Variants in GTF2A1 observed in about 807,000 individuals in gnomAD.
GTF2A1 encodes the protein transcription initiation factor IIA subunit 1.
In GTF2A1, 12 loss-of-function variants were observed where a neutral mutation model predicts 54.1. The ratio of observed to expected loss-of-function variants is 0.22; its 90% confidence interval spans 0.14 to 0.36. The LOEUF is 0.36. GTF2A1 is among the 10% of genes least tolerant of loss of function. The probability of loss-of-function intolerance (pLI) is 1.00; values close to 1 mark genes in which losing one functional copy is unlikely to be tolerated. For missense variants in GTF2A1, 335 were observed against 442.2 expected, an observed-to-expected ratio of 0.76 and a Z score of 2.17; for synonymous variants, 145 against 152.0, an observed-to-expected ratio of 0.95 and a Z score of 0.34.
intron 8 of GTF2A1, among the ~76,000 whole-genome samples, chr14:81,181,788 C>G (rs937375063): frequency 2.0e-5 from 3 of 152,226 alleles, no homozygotes; most frequent in African/African-American, 7.2e-5. Flanking sequence ...GGTGATCCCC[C>G]ACCTCGGCCT....
intron 3 of GTF2A1, 105 bp from the exon 4 acceptor site, chr14:81,201,763 G>T: frequency 1.4e-6 from 1 of 740,440 alleles, no homozygotes; most frequent in Admixed American, 2.1e-5. Context: ...TGTTTTTCAT[G>T]TTTTCTGCAC....
chr14:81,211,566 C>A (rs1595229119), intron 2 of GTF2A1, among the ~76,000 whole-genome samples: 1 of 152,224 alleles, frequency 6.6e-6, no homozygotes, highest in East Asian at 1.9e-4. Flanking sequence ...CACTCCCCTA[C>A]TGTTAATCCC....
At chr14:81,215,922 G>T (rs1013639095) in intron 2 of GTF2A1, among the ~76,000 whole-genome samples, 3 of 152,150 alleles carry the variant, frequency 2.0e-5, no homozygotes, top group African/African-American at 7.2e-5. Context: ...GTAGTCCCAG[G>T]GGTGGGAGGA....
chr14:81,196,758 A>G (rs1256851903), intron 5 of GTF2A1, among the ~76,000 whole-genome samples: 1 of 152,204 alleles, frequency 6.6e-6, no homozygotes, highest in Non-Finnish European at 1.5e-5. Flanking sequence ...AATTCCCCCA[A>G]TATGTTCCTT....
At chr14:81,188,205 CT>C (rs1468103575) in intron 7 of GTF2A1, among the ~76,000 whole-genome samples, 1 of 152,074 alleles carries the variant, frequency 6.6e-6, no homozygotes, top group East Asian at 1.9e-4. Context: ...TTTAAGAGTT[CT>C]TTATATATTC....
chr14:81,213,436 G>C (rs1893417828), intron 2 of GTF2A1, among the ~76,000 whole-genome samples: 1 of 152,138 alleles, frequency 6.6e-6, no homozygotes, highest in African/African-American at 2.4e-5. Flanking sequence ...TAACAATCTA[G>C]ACTGACCACT....
chr14:81,206,981 A>G (rs61980896), intron 2 of GTF2A1, among the ~76,000 whole-genome samples: 19,521 of 152,250 alleles, frequency 0.13, 1,436 homozygotes, highest in African/African-American at 0.2. Context: ...GTTAAATACT[A>G]TTAATTCTTA....
chr14:81,202,574 A>C (rs1893137064), intron 3 of GTF2A1: 1 of 472,626 alleles, frequency 2.1e-6, no homozygotes, highest in Non-Finnish European at 4.2e-6. Flanking sequence ...GTTCGGCATC[A>C]ATATGGTGGC....
intron 1 of GTF2A1, among the ~76,000 whole-genome samples, chr14:81,218,597 G>A (rs1404788412): frequency 6.6e-6 from 1 of 152,014 alleles, no homozygotes; most frequent in African/African-American, 2.4e-5. Context: ...TACAATTTAA[G>A]TTTGTCCTAA....
intron 4 of GTF2A1, among the ~76,000 whole-genome samples, chr14:81,197,763 T>C (rs1353869716): frequency 6.6e-6 from 1 of 152,140 alleles, no homozygotes; most frequent in Non-Finnish European, 1.5e-5. Context: ...AGTTTTTTTT[T>C]CCTTCTTGTC....
At position 81,200,898 on chromosome 14, in the gene GTF2A1, A is replaced by C. The variant is rs1595220145; in HGVS notation, c.402+696T>G. Reference sequence around the variant, plus strand: ...TAATGTTTTATCCAAAAAAAAAAAAAAAACAAAAAACAACTTCAAGGATAT... The same window carrying C: ...TAATGTTTTATCCAAAAAAAAAAAACAAACAAAAAACAACTTCAAGGATAT... On this transcript the variant is annotated intron_variant, in intron 4 of 8. Transcript: ENST00000553612. Among the ~76,000 whole-genome samples the C allele has an allele frequency of 3.3e-5, 5 of 151,518 alleles. 1 individual carries two copies. The highest frequency in any genetic ancestry group is 3.3e-4 in the Admixed American group (5 of 15,244).
chr14:81,202,042 A>C (rs1035079570), intron 3 of GTF2A1, among the ~76,000 whole-genome samples: 2 of 152,016 alleles, frequency 1.3e-5, no homozygotes, highest in Admixed American at 6.6e-5. Context: ...AGGCATGAGA[A>C]TCACTTGAAC....
intron 7 of GTF2A1, among the ~76,000 whole-genome samples, chr14:81,191,382 CTGTT>C (rs1566853478): frequency 1.3e-5 from 2 of 152,130 alleles, no homozygotes; most frequent in East Asian, 3.8e-4. Flanking sequence ...TATTTTATAA[CTGTT>C]TGTAACAGTA....
Position 81,177,021 on chromosome 14 carries a change from A to G in GTF2A1, c.*3202T>C, listed in dbSNP as rs1237187184. 2 of 152,090 alleles carry G rather than the reference A, an allele frequency of 1.3e-5. No individual in the cohort carries two copies. The highest frequency in any genetic ancestry group is 6.5e-5 in the Admixed American group (1 of 15,276). The allele number at this position is 152,090 out of a possible 1,614,324, so 9.4% of individuals were successfully genotyped here. On this transcript the variant is annotated 3_prime_UTR_variant, in exon 9 of 9. Coordinates refer to ENST00000553612, the MANE Select transcript of GTF2A1 (RefSeq NM_015859.4). Reference sequence around the variant, plus strand: ...TCAAAAATAGTATACTCTTAGAGGGAGACAACTCTTTTCATTCCTCCATAA... The same window carrying G: ...TCAAAAATAGTATACTCTTAGAGGGGGACAACTCTTTTCATTCCTCCATAA...
chr14:81,220,694 AGGGGGG>A lies in GTF2A1; in HGVS notation c.-182_-177del. On this transcript the variant is annotated 5_prime_UTR_variant, in exon 1 of 9. Coordinates refer to ENST00000553612, the MANE Select transcript of GTF2A1 (RefSeq NM_015859.4). ...AGGGGAGAGCGGAGAGAGGAGGAGG[AGGGGGG>A]CACTCCTCCCGCAGCTGAAAACCTC... The A allele has an allele frequency of 1.6e-5, 4 of 253,534 alleles. No individual in the cohort carries two copies. Among genetic ancestry groups the A allele is most frequent in the Non-Finnish European group, 3.0e-5 (4 of 134,824 alleles). 15.7% of individuals were successfully genotyped at this position (253,534 alleles called of 1,614,324 possible).
chr14:81,215,865 T>C (rs1345767073), intron 2 of GTF2A1, among the ~76,000 whole-genome samples: 2 of 151,972 alleles, frequency 1.3e-5, no homozygotes, highest in Admixed American at 1.3e-4. Context: ...GTGAAAACCA[T>C]CTCTACCAAA....
At chr14:81,210,300 T>C (rs921844767) in intron 2 of GTF2A1, among the ~76,000 whole-genome samples, 4 of 152,238 alleles carry the variant, frequency 2.6e-5, no homozygotes, top group African/African-American at 9.6e-5. Flanking sequence ...ATTAATTGAA[T>C]GTTTACAGTT....
Position 81,220,920 on chromosome 14 carries a change from G to T in GTF2A1, c.-402C>A, listed in dbSNP as rs1252893644. On this transcript the variant is annotated 5_prime_UTR_variant, in exon 1 of 9. Coordinates refer to ENST00000553612, the MANE Select transcript of GTF2A1 (RefSeq NM_015859.4). Reference sequence around the variant, plus strand: ...CCTTTATATAGCGAGCCAACAAGCTGCGCGAGCCACCACCGCCGCCGCCGC... The same window carrying T: ...CCTTTATATAGCGAGCCAACAAGCTTCGCGAGCCACCACCGCCGCCGCCGC... 2.2e-5 allele frequency: 4 copies of T among 182,508 alleles called. No individual in the cohort carries two copies. Among genetic ancestry groups the T allele is most frequent in the Non-Finnish European group, 3.4e-5 (3 of 88,908 alleles). The allele number at this position is 182,508 out of a possible 1,614,324, so 11.3% of individuals were successfully genotyped here.
At chr14:81,203,848 A>G in intron 3 of GTF2A1, 52 bp downstream of exon 3, 1 of 1,431,028 alleles carries the variant, frequency 7.0e-7, no homozygotes, top group Non-Finnish European at 9.9e-7. Context: ...CTTCTTTCAT[A>G]ATGACAAACT....
Sources: allele counts gnomAD v4.1 joint callset (sites outside exome capture counted in the v4.1 genomes callset), GRCh38; gene constraint gnomAD v4.1.1; transcripts MANE v1.5; gene names NCBI Gene and HGNC (gene_info 2026-07-23, HGNC 2026-07-21).